Variants in EBF1 observed in about 807,000 individuals in gnomAD.
The protein encoded by EBF1 is transcription factor COE1.
EBF1 carries 10 observed loss-of-function variants against 68.4 expected under a neutral mutation model. The observed-to-expected ratio is 0.15, with a 90% confidence interval of 0.09 to 0.25. The LOEUF is 0.25. Ranked by LOEUF, EBF1 falls within the 10% of genes least tolerant of loss-of-function variation. The pLI is 1.00. For synonymous variants in EBF1, 298 were observed against 299.8 expected, an observed-to-expected ratio of 0.99 and a Z score of 0.06; for missense variants, 509 against 794.4, an observed-to-expected ratio of 0.64 and a Z score of 4.32.
chr5:158,880,100 C>T (rs192597533), intron 6 of EBF1, among the ~76,000 whole-genome samples: 1 of 152,212 alleles, frequency 6.6e-6, no homozygotes. Flanking sequence ...TTGTGCACTT[C>T]GCAAATCGCC....
At chr5:158,974,823 A>T (rs759856802) in intron 6 of EBF1, among the ~76,000 whole-genome samples, 1 of 152,230 alleles carries the variant, frequency 6.6e-6, no homozygotes, top group Non-Finnish European at 1.5e-5. Context: ...ATTGTCTTTC[A>T]AAAGCTAAAA....
At chr5:159,048,492 A>G (rs1772892284) in intron 6 of EBF1, among the ~76,000 whole-genome samples, 1 of 152,222 alleles carries the variant, frequency 6.6e-6, no homozygotes, top group Non-Finnish European at 1.5e-5. Flanking sequence ...GACAGGTGCC[A>G]GGAGATAATG....
At chr5:158,760,173 A>C (rs1771095585) in intron 10 of EBF1, among the ~76,000 whole-genome samples, 1 of 152,212 alleles carries the variant, frequency 6.6e-6, no homozygotes, top group Admixed American at 6.5e-5. Context: ...CTTGAATTTC[A>C]AAGTTTCAGG....
rs112680503 is a variant in EBF1 at position 158,865,078 on chromosome 5, A to C, written c.555-24968T>G. Among the ~76,000 whole-genome samples the C allele has an allele frequency of 6.6e-3, 1,009 of 152,164 alleles. 12 individuals are homozygous for C. The highest frequency in any genetic ancestry group is 0.023 in the African/African-American group (955 of 41,520). On this transcript the variant is annotated intron_variant, in intron 6 of 15. Transcript: ENST00000313708. The stretch of plus-strand genomic sequence containing the variant: ...TCCTCCTTCCCTGAGACAACCCAAA[A>C]ATAATTTAAATCAGAGAAACCGGCC...
chr5:158,822,315 T>TGG (rs201910944), intron 8 of EBF1, among the ~76,000 whole-genome samples: 6 of 148,586 alleles, frequency 4.0e-5, no homozygotes, highest in East Asian at 2.1e-4. Flanking sequence ...GATGGATGGA[T>TGG]AGATGGATAG....
intron 10 of EBF1, among the ~76,000 whole-genome samples, chr5:158,760,029 T>G (rs1021830488): frequency 6.6e-5 from 10 of 152,154 alleles, no homozygotes; most frequent in African/African-American, 2.4e-4. Context: ...GGGAATGAAA[T>G]ACAGTCTGCC....
intron 6 of EBF1, among the ~76,000 whole-genome samples, chr5:159,013,834 T>A (rs1200219594): frequency 6.6e-6 from 1 of 152,170 alleles, no homozygotes; most frequent in Admixed American, 6.5e-5. Context: ...AGCAAAGGTG[T>A]TCAATTTTAA....
At chr5:159,064,284 G>T (rs1361322767) in intron 6 of EBF1, among the ~76,000 whole-genome samples, 2 of 152,126 alleles carry the variant, frequency 1.3e-5, no homozygotes, top group African/African-American at 4.8e-5. Context: ...ATGAAAATGT[G>T]CTGTGGATAG....
chr5:158,879,206 T>G (rs1177495785), intron 6 of EBF1, among the ~76,000 whole-genome samples: 1 of 152,202 alleles, frequency 6.6e-6, no homozygotes. Context: ...AGTATGTAAC[T>G]GGGCACATAT....
intron 8 of EBF1, among the ~76,000 whole-genome samples, chr5:158,817,692 CT>C (rs1784037859): frequency 6.6e-6 from 1 of 152,192 alleles, no homozygotes; most frequent in African/African-American, 2.4e-5. Context: ...TGAAACAAGG[CT>C]TCCCTGACAC....
chr5:158,952,761 T>C (rs1204493470), intron 6 of EBF1, among the ~76,000 whole-genome samples: 1 of 152,244 alleles, frequency 6.6e-6, no homozygotes, highest in Non-Finnish European at 1.5e-5. Context: ...TAAAAGTTGC[T>C]TCGTGTGCCC....
intron 9 of EBF1, among the ~76,000 whole-genome samples, chr5:158,780,663 T>C (rs190972072): frequency 2.6e-5 from 4 of 152,302 alleles, no homozygotes; most frequent in East Asian, 3.9e-4. Context: ...AAGGAATTTA[T>C]TGAAAAGGGT....
intron 6 of EBF1, among the ~76,000 whole-genome samples, chr5:159,020,320 G>T (rs78380967): frequency 6.6e-6 from 1 of 152,098 alleles, no homozygotes. Context: ...GAGAATGGCC[G>T]CAAGAGGCTC....
Position 159,099,273 on chromosome 5 carries a change from CCGCT to C in EBF1, c.134+68_134+71del, listed in dbSNP as rs1181186427. ...GGCCCCGCGGCAGCAGCTGCCGCTG[CCGCT>C]GCCGCCTCCGCCTCCCGGCTCTCCC... On this transcript the variant is annotated intron_variant, in intron 1 of 15. Transcript: ENST00000313708. 2.1e-5 allele frequency: 27 copies of C among 1,257,940 alleles called. No homozygotes were observed. The African/African-American group carries it at 2.3e-4, about 11-fold the overall frequency. 77.9% of individuals were successfully genotyped at this position (1,257,940 alleles called of 1,614,324 possible).
intron 15 of EBF1, among the ~76,000 whole-genome samples, chr5:158,704,708 AC>A (rs1757493306): frequency 6.6e-6 from 1 of 151,844 alleles, no homozygotes; most frequent in African/African-American, 2.4e-5. Flanking sequence ...CTCAGGGAAA[AC>A]TTTTGTGGCT....
At chr5:158,970,653 C>A (rs1755457761) in intron 6 of EBF1, among the ~76,000 whole-genome samples, 1 of 152,174 alleles carries the variant, frequency 6.6e-6, no homozygotes, top group Admixed American at 6.5e-5. Flanking sequence ...ATTCCATAAA[C>A]ACAAGCACCT....
intron 6 of EBF1, among the ~76,000 whole-genome samples, chr5:158,979,268 A>G (rs996411407): frequency 6.6e-6 from 1 of 152,216 alleles, no homozygotes; most frequent in Admixed American, 6.5e-5. Flanking sequence ...AGATAGGTAT[A>G]TTACACATTA....
At chr5:158,927,425 T>C (rs1809928587) in intron 6 of EBF1, among the ~76,000 whole-genome samples, 1 of 152,194 alleles carries the variant, frequency 6.6e-6, no homozygotes, top group Admixed American at 6.5e-5. Context: ...GTGCCTGAAA[T>C]TCAGTGCTTT....
chr5:158,722,262 G>C (rs1297470812), intron 11 of EBF1, among the ~76,000 whole-genome samples: 1 of 152,140 alleles, frequency 6.6e-6, no homozygotes, highest in Non-Finnish European at 1.5e-5. Context: ...ACGGCCTAGA[G>C]TCAAAATTAC....
Sources: gnomAD v4.1 joint callset for allele counts (sites outside exome capture counted in the v4.1 genomes callset) on GRCh38, gnomAD v4.1.1 for gene constraint, MANE v1.5 for transcripts, NCBI Gene and HGNC (gene_info 2026-07-23, HGNC 2026-07-21) for gene names.